Variants in TBC1D22A observed in about 807,000 individuals in gnomAD.
The protein encoded by TBC1D22A is TBC1 domain family member 22A.
A neutral mutation model predicts 60.2 loss-of-function variants in TBC1D22A; 38 were observed. The observed-to-expected ratio is 0.63, with a 90% confidence interval of 0.49 to 0.83. The LOEUF (loss-of-function observed/expected upper bound fraction) is 0.83. TBC1D22A is among the 40% of genes least tolerant of loss of function. TBC1D22A has a pLI of 0.00. For synonymous variants in TBC1D22A, 302 were observed against 281.7 expected (o/e 1.07, Z -0.72); for missense variants, 628 against 701.0 (o/e 0.90, Z 1.18).
intron 12 of TBC1D22A, among the ~76,000 whole-genome samples, chr22:47,149,258 G>A (rs1368388112): frequency 2.0e-5 from 3 of 152,186 alleles, no homozygotes; most frequent in Admixed American, 6.5e-5. Context: ...GTGAGCTCAC[G>A]GCCCGGCGGC....
intron 5 of TBC1D22A, among the ~76,000 whole-genome samples, chr22:46,883,416 A>G (rs1269973658): frequency 1.3e-5 from 2 of 152,242 alleles, no homozygotes; most frequent in Admixed American, 6.5e-5. Context: ...TTTCATTTGC[A>G]TAATTTCTAG....
At chr22:46,997,593 A>G in intron 9 of TBC1D22A, 41 bp from the exon 10 acceptor site, 1 of 1,544,994 alleles carries the variant, frequency 6.5e-7, no homozygotes, top group Non-Finnish European at 8.9e-7. Flanking sequence ...AGTTTGTTTT[A>G]TTTTATATGC....
intron 11 of TBC1D22A, among the ~76,000 whole-genome samples, chr22:47,088,080 A>T (rs8140745): frequency 2.5e-5 from 3 of 121,422 alleles, no homozygotes; most frequent in South Asian, 2.9e-4. Context: ...CTCAAATAAA[A>T]AATAATAATA....
At chr22:46,866,841 G>T (rs2067079172) in intron 4 of TBC1D22A, among the ~76,000 whole-genome samples, 1 of 152,220 alleles carries the variant, frequency 6.6e-6, no homozygotes, top group Non-Finnish European at 1.5e-5. Context: ...AACTTGCTGT[G>T]ATCCGCAAGA....
In TBC1D22A at chr22:46,904,142, T is replaced by TCTGCCTACCTACCTAC. The variant is rs369598619; in HGVS notation, c.901-7930_901-7929insGCCTACCTACCTACCT. On this transcript the variant is annotated intron_variant, in intron 7 of 12. Coordinates refer to ENST00000337137, the MANE Select transcript of TBC1D22A (RefSeq NM_014346.5). ...ATCTATCTATCTATCTATCTATCTA[T>TCTGCCTACCTACCTAC]CTACCTACCTACCTACCTACCTACC... Among the ~76,000 whole-genome samples, 1,000 of 134,560 alleles carry TCTGCCTACCTACCTAC rather than the reference T, an allele frequency of 7.4e-3. 12 individuals are homozygous for TCTGCCTACCTACCTAC. The highest frequency in any genetic ancestry group is 0.022 in the African/African-American group (747 of 33,870). 88.3% of individuals were successfully genotyped at this position (134,560 alleles called of 152,430 possible). A position where few individuals can be genotyped will look rare whatever the true frequency, so the allele number is the denominator to read the frequency against.
intron 4 of TBC1D22A, among the ~76,000 whole-genome samples, chr22:46,822,432 A>T (rs1156345209): frequency 6.7e-6 from 1 of 148,600 alleles, no homozygotes; most frequent in Non-Finnish European, 1.5e-5. Context: ...TTTTTGGGGG[A>T]CTTTTTGTTG....
intron 8 of TBC1D22A, among the ~76,000 whole-genome samples, chr22:46,923,885 A>G (rs1245218341): frequency 6.6e-6 from 1 of 152,216 alleles, no homozygotes; most frequent in Non-Finnish European, 1.5e-5. Flanking sequence ...ATCATGTAGC[A>G]TAATTTCTGA....
intron 10 of TBC1D22A, among the ~76,000 whole-genome samples, chr22:47,022,348 G>C (rs899455481): frequency 2.0e-5 from 3 of 152,160 alleles, no homozygotes; most frequent in African/African-American, 7.2e-5. Flanking sequence ...AAAAGTACAG[G>C]GTGAGCTCCA....
intron 10 of TBC1D22A, among the ~76,000 whole-genome samples, chr22:47,036,863 A>G (rs565177027): frequency 1.4e-4 from 21 of 152,340 alleles, no homozygotes; most frequent in Admixed American, 1.2e-3. Flanking sequence ...CAGCAGCACC[A>G]CCATCTTTCG....
At chr22:46,901,774 C>G (rs6009043) in intron 7 of TBC1D22A, among the ~76,000 whole-genome samples, 105,029 of 152,066 alleles carry the variant, frequency 0.69, 36,416 homozygotes, top group Middle Eastern at 0.8. Context: ...TTCTTTCTGA[C>G]GCTACGATGC....
intron 8 of TBC1D22A, among the ~76,000 whole-genome samples, chr22:46,963,203 A>G (rs2073607539): frequency 1.5e-5 from 2 of 132,348 alleles, no homozygotes; most frequent in Admixed American, 1.6e-4. Context: ...AGCCCGGGTG[A>G]CAGAGCAAGA....
At chr22:46,854,354 A>G (rs1268943454) in intron 4 of TBC1D22A, among the ~76,000 whole-genome samples, 1 of 152,142 alleles carries the variant, frequency 6.6e-6, no homozygotes, top group Non-Finnish European at 1.5e-5. Flanking sequence ...ACTGCTCCAC[A>G]GTGTCGACAT....
At chr22:46,946,168 G>A (rs888084953) in intron 8 of TBC1D22A, among the ~76,000 whole-genome samples, 7 of 152,174 alleles carry the variant, frequency 4.6e-5, no homozygotes, top group South Asian at 4.1e-4. Flanking sequence ...TCTTCCGGAC[G>A]GGCCAGCATA....
In TBC1D22A at chr22:46,801,931, A is replaced by G. The variant is rs1272743084; in HGVS notation, c.637+4311A>G. On this transcript the variant is annotated intron_variant, in intron 4 of 12. Transcript: ENST00000337137. ...GGAGCCGTACACCTTGGCAGCACTA[A>G]TACGAGTAGATGCCCCCTTGGTGTC... Among the ~76,000 whole-genome samples the G allele has an allele frequency of 3.9e-5, 6 of 152,214 alleles. No homozygotes were observed. In the South Asian group the frequency reaches 6.2e-4, roughly 16 times the overall value.
intron 4 of TBC1D22A, among the ~76,000 whole-genome samples, chr22:46,850,174 C>T (rs1602143511): frequency 6.6e-6 from 1 of 152,224 alleles, no homozygotes; most frequent in Non-Finnish European, 1.5e-5. Flanking sequence ...GAGATGGAGA[C>T]GAGTGCTGAG....
intron 11 of TBC1D22A, among the ~76,000 whole-genome samples, chr22:47,039,879 G>C (rs192770654): frequency 3.9e-4 from 57 of 147,460 alleles, no homozygotes; most frequent in African/African-American, 1.1e-3. Context: ...TGAAGAGGAA[G>C]CAGGCGTGTC....
intron 1 of TBC1D22A, among the ~76,000 whole-genome samples, chr22:46,783,111 C>G (rs146445103): frequency 6.6e-6 from 1 of 152,216 alleles, no homozygotes. Context: ...CTCACCATCA[C>G]GCTTTAGCGT....
chr22:46,792,585 C>A lies in TBC1D22A; in HGVS notation c.119+9C>A, dbSNP rs755004609. On this transcript the variant is annotated intron_variant, in intron 2 of 12. Coordinates refer to ENST00000337137, the MANE Select transcript of TBC1D22A (RefSeq NM_014346.5). ...CCACTGTTACATGGCACGTAAGTGA[C>A]GTTCCAACCTCACTTGGCGTCTCGG... 2 of 1,614,222 alleles carry A rather than the reference C, an allele frequency of 1.2e-6. No individual in the cohort carries two copies. The highest frequency in any genetic ancestry group is 2.2e-5 in the South Asian group (2 of 91,090).
chr22:46,963,428 G>C (rs778239116), intron 8 of TBC1D22A, among the ~76,000 whole-genome samples: 54 of 92,352 alleles, frequency 5.8e-4, no homozygotes, highest in Non-Finnish European at 1.0e-3. Context: ...AGGCCTCCAC[G>C]ATTGTGTGGT....
Sources: allele counts gnomAD v4.1 joint callset (sites outside exome capture counted in the v4.1 genomes callset), GRCh38; gene constraint gnomAD v4.1.1; transcripts MANE v1.5; gene names NCBI Gene and HGNC (gene_info 2026-07-23, HGNC 2026-07-21).